Variants in UVRAG observed in about 807,000 individuals in gnomAD.
UVRAG encodes the protein UV radiation resistance-associated gene protein.
A neutral mutation model predicts 78.0 loss-of-function variants in UVRAG; 19 were observed. The observed-to-expected ratio is 0.24, with a 90% CI of 0.17 to 0.36. The LOEUF (loss-of-function observed/expected upper bound fraction) is 0.36, where lower values mean the gene tolerates loss of function less well. Ranked by LOEUF, UVRAG falls within the 10% of genes least tolerant of loss-of-function variation. UVRAG has a pLI of 1.00. For synonymous variants in UVRAG, 323 were observed against 324.6 expected (o/e 1.00, Z 0.05); for missense variants, 740 against 853.8 (o/e 0.87, Z 1.66).
chr11:76,017,023 A>G (rs1950160305), intron 12 of UVRAG, 43 bp downstream of exon 12: 1 of 1,440,342 alleles, frequency 6.9e-7, no homozygotes, highest in Non-Finnish European at 9.4e-7. Context: ...ACATCAAGCC[A>G]GTATAAAACA....
chr11:76,119,566 T>A (rs912942818), intron 14 of UVRAG, among the ~76,000 whole-genome samples: 1 of 152,224 alleles, frequency 6.6e-6, no homozygotes, highest in African/African-American at 2.4e-5. Flanking sequence ...TCCTGTCAGC[T>A]AATGGGACCC....
At chr11:76,097,416 C>A (rs976695282) in intron 13 of UVRAG, among the ~76,000 whole-genome samples, 4 of 152,162 alleles carry the variant, frequency 2.6e-5, no homozygotes, top group African/African-American at 9.7e-5. Context: ...TGCCTCCCTG[C>A]CCTTTCACTC....
chr11:75,845,672 A>T (rs1946016453), intron 1 of UVRAG, among the ~76,000 whole-genome samples: 1 of 152,166 alleles, frequency 6.6e-6, no homozygotes, highest in African/African-American at 2.4e-5. Context: ...GGACACAAAG[A>T]AGGGAACAGT....
At chr11:76,130,252 G>A (rs1405599123) in intron 14 of UVRAG, among the ~76,000 whole-genome samples, 1 of 152,096 alleles carries the variant, frequency 6.6e-6, no homozygotes, top group Admixed American at 6.6e-5. Flanking sequence ...CTTTGAGCCC[G>A]TGTCCTCTCC....
chr11:76,063,050 A>G lies in UVRAG; in HGVS notation c.1227-2660A>G, dbSNP rs560723234. Among the ~76,000 whole-genome samples, 10 of 152,348 alleles carry G rather than the reference A, an allele frequency of 6.6e-5. No homozygotes were observed. In the South Asian group the frequency reaches 2.1e-3, roughly 32 times the overall value. The stretch of plus-strand genomic sequence containing the variant: ...GTAGTCATCGCATAATTCTTAACTC[A>G]TATTGAAACTGTTCTGTACTAAAGA... On this transcript the variant is annotated intron_variant, in intron 12 of 14. Transcript: ENST00000356136.
chr11:75,892,279 C>G, intron 5 of UVRAG: 1 of 966,578 alleles, frequency 1.0e-6, no homozygotes, highest in Non-Finnish European at 1.2e-6. Flanking sequence ...TCTGCTGGTC[C>G]TGGAGAGGAG....
At chr11:76,092,175 T>C (rs1951711727) in intron 13 of UVRAG, among the ~76,000 whole-genome samples, 1 of 152,224 alleles carries the variant, frequency 6.6e-6, no homozygotes, top group African/African-American at 2.4e-5. Context: ...ACTCATCCTT[T>C]TTTATGGCTG....
intron 5 of UVRAG, among the ~76,000 whole-genome samples, chr11:75,899,075 T>C (rs1947422636): frequency 6.6e-6 from 1 of 152,160 alleles, no homozygotes; most frequent in African/African-American, 2.4e-5. Context: ...ATTTAAAAAG[T>C]CCATTCCTAT....
At chr11:75,841,994 C>T (rs1056468094) in intron 1 of UVRAG, among the ~76,000 whole-genome samples, 2 of 152,218 alleles carry the variant, frequency 1.3e-5, no homozygotes, top group East Asian at 3.8e-4. Context: ...AGCCTCAGGA[C>T]ATGGTCACTT....
At chr11:75,833,368 C>T (rs1945704962) in intron 1 of UVRAG, among the ~76,000 whole-genome samples, 1 of 152,134 alleles carries the variant, frequency 6.6e-6, no homozygotes, top group South Asian at 2.1e-4. Context: ...AGCTTGCTCT[C>T]TTTCTCTCTT....
chr11:75,956,646 T>G (rs565322534), intron 6 of UVRAG, among the ~76,000 whole-genome samples: 1 of 152,296 alleles, frequency 6.6e-6, no homozygotes, highest in South Asian at 2.1e-4. Context: ...TAAATTTAAA[T>G]TTAAAATAAT....
intron 6 of UVRAG, among the ~76,000 whole-genome samples, chr11:75,928,939 CA>C (rs368913080): frequency 3.7e-4 from 25 of 67,488 alleles, no homozygotes; most frequent in Non-Finnish European, 5.3e-4. Flanking sequence ...GAGACTGTCT[CA>C]AAAAAAAAAA....
intron 2 of UVRAG, among the ~76,000 whole-genome samples, chr11:75,853,012 A>T (rs2134749000): frequency 6.6e-6 from 1 of 152,152 alleles, no homozygotes; most frequent in South Asian, 2.1e-4. Flanking sequence ...ACAGACTCAA[A>T]TGATCCTCCT....
At chr11:76,060,197 A>G (rs1283910578) in intron 12 of UVRAG, among the ~76,000 whole-genome samples, 1 of 152,082 alleles carries the variant, frequency 6.6e-6, no homozygotes, top group Non-Finnish European at 1.5e-5. Context: ...AGGTGTGTAT[A>G]TGATATATAT....
chr11:75,958,852 T>C (rs902904989), intron 6 of UVRAG, among the ~76,000 whole-genome samples: 2 of 152,228 alleles, frequency 1.3e-5, no homozygotes, highest in Non-Finnish European at 2.9e-5. Flanking sequence ...GCCTCCTTCA[T>C]CCATGGGCTA....
At chr11:75,987,314 C>A (rs1949518693) in intron 8 of UVRAG, among the ~76,000 whole-genome samples, 1 of 152,166 alleles carries the variant, frequency 6.6e-6, no homozygotes, top group Admixed American at 6.5e-5. Context: ...AGCATTGTTT[C>A]TCATTGTAGT....
intron 7 of UVRAG, among the ~76,000 whole-genome samples, chr11:75,963,324 T>A (rs191136419): frequency 6.6e-6 from 1 of 152,350 alleles, no homozygotes; most frequent in African/African-American, 2.4e-5. Context: ...AATGTCCTTT[T>A]ATAATAGGAC....
At chr11:75,943,272 A>AT (rs888713067) in intron 6 of UVRAG, among the ~76,000 whole-genome samples, 1 of 149,198 alleles carries the variant, frequency 6.7e-6, no homozygotes, top group Non-Finnish European at 1.5e-5. Context: ...TTGGTAATTT[A>AT]TAGTTTGATA....
chr11:76,126,328 A>G (rs1258521837), intron 14 of UVRAG, among the ~76,000 whole-genome samples: 2 of 152,216 alleles, frequency 1.3e-5, no homozygotes, highest in Admixed American at 6.5e-5. Flanking sequence ...AATCCAAGTT[A>G]TATATCCAAA....
Sources: allele counts gnomAD v4.1 joint callset (sites outside exome capture counted in the v4.1 genomes callset), GRCh38; gene constraint gnomAD v4.1.1; transcripts MANE v1.5; gene names NCBI Gene and HGNC (gene_info 2026-07-23, HGNC 2026-07-21).